RHOH: variants seen among roughly 807,000 people sequenced by gnomAD.
RHOH encodes ras homolog family member H.
A neutral mutation model predicts 13.8 loss-of-function variants in RHOH; 6 were observed. The ratio of observed to expected loss-of-function variants is 0.44; its 90% CI spans 0.24 to 0.86. The LOEUF is 0.86. Among genes scored for constraint, RHOH ranks in the 40% least tolerant of loss-of-function variants. The probability of loss-of-function intolerance (pLI) is 0.24; values close to 1 mark genes in which losing one functional copy is unlikely to be tolerated. For missense variants in RHOH, 147 were observed against 244.5 expected (o/e 0.60, Z 2.66); for synonymous variants, 117 against 103.0 (o/e 1.14, Z -0.82).
chr4:40,226,912 AC>A (rs1440653356), intron 1 of RHOH, among the ~76,000 whole-genome samples: 2 of 152,156 alleles, frequency 1.3e-5, no homozygotes, highest in African/African-American at 4.8e-5. Context: ...TAATCTCAGC[AC>A]TTTGGGAGGC....
chr4:40,216,682 T>C (rs1386629379), intron 1 of RHOH, among the ~76,000 whole-genome samples: 2 of 152,348 alleles, frequency 1.3e-5, no homozygotes, highest in East Asian at 1.9e-4. Flanking sequence ...AGTAGGTATA[T>C]GTTTCTTTGA....
At chr4:40,219,181 G>C (rs891607398) in intron 1 of RHOH, among the ~76,000 whole-genome samples, 1 of 152,092 alleles carries the variant, frequency 6.6e-6, no homozygotes, top group Non-Finnish European at 1.5e-5. Flanking sequence ...GGAGGCCAAG[G>C]TGGGTGGATC....
rs1326532047 is a variant in RHOH at position 40,218,463 on chromosome 4, G to A, written c.-331+21163G>A. On this transcript the variant is annotated intron_variant, in intron 1 of 2. Transcript: ENST00000381799. This position sits in a 1 kb window ranked among gnomAD's most constrained non-coding sequence, Gnocchi z 4.1. Reference sequence around the variant, plus strand: ...AATCAGACACGTGCTAGGGCCCCCTGTGCTTAGCTCGGCTAATGAGCCCAG... The same window carrying A: ...AATCAGACACGTGCTAGGGCCCCCTATGCTTAGCTCGGCTAATGAGCCCAG... 6.6e-6 allele frequency among the ~76,000 whole-genome samples: 1 copy of A among 152,174 alleles called. No homozygotes were observed. Among genetic ancestry groups the A allele is most frequent in the African/African-American group, 2.4e-5 (1 of 41,434 alleles).
intron 1 of RHOH, among the ~76,000 whole-genome samples, chr4:40,241,904 GA>G (rs1303018251): frequency 6.6e-6 from 1 of 151,956 alleles, no homozygotes; most frequent in Non-Finnish European, 1.5e-5. Flanking sequence ...AAAAGAAAAA[GA>G]AAAAATAAAT....
intron 1 of RHOH, among the ~76,000 whole-genome samples, chr4:40,203,193 C>T (rs1302029764): frequency 2.0e-5 from 3 of 152,096 alleles, no homozygotes; most frequent in Non-Finnish European, 4.4e-5. Context: ...AGGATGGTCT[C>T]GATCTCCTGA....
Position 40,246,817 on chromosome 4 carries a change from A to ATACTTACTT in RHOH, c.*2857_*2865dup, listed in dbSNP as rs1729793840. 6.6e-6 allele frequency: 1 copy of ATACTTACTT among 152,254 alleles called. No individual in the cohort carries two copies. Among genetic ancestry groups the ATACTTACTT allele is most frequent in the Non-Finnish European group, 1.5e-5 (1 of 68,044 alleles). The allele number at this position is 152,254 out of a possible 1,614,324, so 9.4% of individuals were successfully genotyped here. ...TGTGTTGTGTGTTCTACATAAGCAC[A>ATACTTACTT]TACTTACTTTTGCCTGCCTAGATGC... On this transcript the variant is annotated 3_prime_UTR_variant, in exon 3 of 3. Transcript: ENST00000381799.
At chr4:40,232,581 AG>A (rs1167770392) in intron 1 of RHOH, among the ~76,000 whole-genome samples, 2 of 152,170 alleles carry the variant, frequency 1.3e-5, no homozygotes, top group African/African-American at 4.8e-5. Context: ...CCAAAGACCC[AG>A]GGATTTTAAT....
chr4:40,225,410 TA>T (rs994617508), intron 1 of RHOH, among the ~76,000 whole-genome samples: 36 of 148,216 alleles, frequency 2.4e-4, no homozygotes, highest in African/African-American at 4.2e-4. Flanking sequence ...AAAGTTCAAT[TA>T]AAAAAAAAAG....
intron 1 of RHOH, among the ~76,000 whole-genome samples, chr4:40,227,315 G>A (rs1415894472): frequency 6.6e-6 from 1 of 152,220 alleles, no homozygotes; most frequent in Non-Finnish European, 1.5e-5. Context: ...CTAGCTATAT[G>A]AGCATTGTGC....
upstream of RHOH, among the ~76,000 whole-genome samples, chr4:40,196,611 T>C (rs971266719): frequency 6.6e-6 from 1 of 152,144 alleles, no homozygotes; most frequent in African/African-American, 2.4e-5. Context: ...CCACCTCTTG[T>C]TTTCCCCAAG....
intron 1 of RHOH, among the ~76,000 whole-genome samples, chr4:40,210,082 TTGTG>T: frequency 8.8e-6 from 1 of 113,200 alleles, no homozygotes; most frequent in East Asian, 2.4e-4. Context: ...CCTGATTACA[TTGTG>T]TGCGTGTGTG....
chr4:40,232,907 G>A (rs955523843), intron 1 of RHOH, among the ~76,000 whole-genome samples: 4 of 151,950 alleles, frequency 2.6e-5, no homozygotes, highest in Admixed American at 6.6e-5. Context: ...TTTTAAATGC[G>A]GGGCTCCCAA....
rs1486441608 is a variant in RHOH, at chr4:40,243,801, C to T, written c.415C>T (p.Leu139=). ...SCVNAMEGKK[L]AQDVRAKGYL... is the part of the protein sequence containing the mutation. ...CGTCAATGCCATGGAAGGGAAGAAA[C>T]TGGCCCAGGATGTCAGAGCCAAGGG... The change falls in exon 3 of 3, where the codon CTG becomes TTG. Residue 139 remains leucine, a synonymous_variant. Coordinates refer to ENST00000381799, the MANE Select transcript of RHOH (RefSeq NM_004310.5). This position sits in a 1 kb window ranked among gnomAD's most constrained non-coding sequence, Gnocchi z 6.2. The T allele has an allele frequency of 1.9e-6, 3 of 1,614,140 alleles. No individual in the cohort carries two copies. The highest frequency in any genetic ancestry group is 2.5e-6 in the Non-Finnish European group (3 of 1,180,020).
intron 1 of RHOH, among the ~76,000 whole-genome samples, chr4:40,238,079 C>T (rs1057277453): frequency 2.0e-5 from 3 of 152,144 alleles, no homozygotes; most frequent in African/African-American, 7.2e-5. Context: ...CAGGGCAAAT[C>T]TGATTCCATT....
intron 1 of RHOH, among the ~76,000 whole-genome samples, chr4:40,203,462 A>G (rs1462410225): frequency 6.6e-6 from 1 of 152,132 alleles, no homozygotes; most frequent in Non-Finnish European, 1.5e-5. Context: ...TTACACTTTG[A>G]GAAACACTAG....
chr4:40,215,053 T>G (rs1725715253), intron 1 of RHOH, among the ~76,000 whole-genome samples: 1 of 152,184 alleles, frequency 6.6e-6, no homozygotes, highest in Non-Finnish European at 1.5e-5. Context: ...GGAATCAGAT[T>G]TCTGAGGGTA....
rs1560291221 is a variant in RHOH at position 40,243,827 on chromosome 4, C to T, written c.441C>T (p.Gly147=). Residue 147 remains glycine (G), a synonymous_variant, in exon 3 of 3, where the codon GGC becomes GGT. Transcript: ENST00000381799. This position sits in a 1 kb window ranked among gnomAD's most constrained non-coding sequence, Gnocchi z 6.2. ...KKLAQDVRAK[G]YLECSALSNR... ...TGGCCCAGGATGTCAGAGCCAAGGG[C>T]TACCTGGAGTGCTCAGCCCTTAGCA... The T allele has an allele frequency of 1.2e-6, 2 of 1,614,068 alleles. No homozygotes were observed. The highest frequency in any genetic ancestry group is 1.7e-6 in the Non-Finnish European group (2 of 1,180,024).
chr4:40,196,915 T>A (rs1723200503), upstream of RHOH: 1 of 152,084 alleles, frequency 6.6e-6, no homozygotes, highest in African/African-American at 2.4e-5. Flanking sequence ...CATATTCTAA[T>A]GGAGAGAAAC....
intron 1 of RHOH, among the ~76,000 whole-genome samples, chr4:40,211,411 G>A (rs1025952778): frequency 6.6e-6 from 1 of 152,066 alleles, no homozygotes; most frequent in Non-Finnish European, 1.5e-5. Context: ...GATTACAGAC[G>A]TGTACCACCA....
Sources: allele counts gnomAD v4.1 joint callset (sites outside exome capture counted in the v4.1 genomes callset), GRCh38; gene constraint gnomAD v4.1.1; non-coding constraint Gnocchi (gnomAD v3.1); transcripts MANE v1.5; gene names NCBI Gene and HGNC (gene_info 2026-07-23, HGNC 2026-07-21).